The following IL1RL2 variants were observed in gnomAD, a reference collection of about 807,000 sequenced individuals.
The protein encoded by IL1RL2 is interleukin-1 receptor-like 2.
A neutral mutation model predicts 66.8 loss-of-function variants in IL1RL2; 68 were observed. The ratio of observed to expected loss-of-function variants is 1.02; its 90% CI spans 0.84 to 1.25. The LOEUF (loss-of-function observed/expected upper bound fraction) is 1.25, where lower values mean the gene tolerates loss of function less well. IL1RL2 is among the 50% of genes most tolerant of loss of function. IL1RL2 has a pLI of 0.00. For synonymous variants in IL1RL2, 305 were observed against 264.6 expected (o/e 1.15, Z -1.48); for missense variants, 729 against 709.3 (o/e 1.03, Z -0.32).
chr2:102,190,064 G>A (rs1017018754), intron 3 of IL1RL2, among the ~76,000 whole-genome samples: 4 of 152,318 alleles, frequency 2.6e-5, no homozygotes, highest in African/African-American at 9.6e-5. Flanking sequence ...CAGGGAGTAA[G>A]CATGGAGTAT....
intron 1 of IL1RL2, 137 bp from the exon 2 acceptor site, chr2:102,187,719 G>A: frequency 1.3e-6 from 1 of 747,816 alleles, no homozygotes; most frequent in Admixed American, 2.1e-5. Context: ...TGGGGCCAAA[G>A]TCGGAGGGCT....
Position 102,236,151 on chromosome 2 carries a change from A to G in IL1RL2, c.1678+874A>G, listed in dbSNP as rs34479664. On this transcript the variant is annotated intron_variant, in intron 11 of 11. Coordinates refer to ENST00000264257, the MANE Select transcript of IL1RL2 (RefSeq NM_003854.4). ...TTAAAGGTTTTTAATACTAAAAATT[A>G]GCTGTAAACCCTCATCACTTTTTTC... Among the ~76,000 whole-genome samples the G allele has an allele frequency of 5.5e-3, 843 of 152,368 alleles. 12 individuals are homozygous for G. Among genetic ancestry groups the G allele is most frequent in the African/African-American group, 0.019 (810 of 41,602 alleles).
chr2:102,221,409 G>C (rs1342093116), intron 8 of IL1RL2, among the ~76,000 whole-genome samples: 3 of 152,168 alleles, frequency 2.0e-5, no homozygotes. Flanking sequence ...GTTTCCAGCT[G>C]TGTAAGGGAC....
rs1309821203 is a variant in IL1RL2, at chr2:102,219,924, A to G, written c.898A>G (p.Ile300Val). ...GGAACATAATTTGTACACAGTAAAC[A>G]TCACCTTCTTGGAAGTGAAAATGGA... ...FREHNLYTVNITFLEVKMEDY... is the reference protein window; with the variant it reads ...FREHNLYTVNVTFLEVKMEDY... Residue 300 changes from isoleucine to valine, a missense_variant, in exon 8 of 12, where the codon ATC (isoleucine) becomes GTC (valine). Ile to Val is a conservative substitution (Grantham distance 29). Coordinates refer to ENST00000264257, the MANE Select transcript of IL1RL2 (RefSeq NM_003854.4). The G allele has an allele frequency of 6.2e-7, 1 of 1,613,618 alleles. No individual in the cohort carries two copies. The highest frequency in any genetic ancestry group is 1.3e-5 in the African/African-American group (1 of 74,914).
chr2:102,200,007 A>G (rs1283481723), intron 4 of IL1RL2, among the ~76,000 whole-genome samples: 2 of 151,990 alleles, frequency 1.3e-5, no homozygotes, highest in Non-Finnish European at 2.9e-5. Context: ...AAAAAAACAA[A>G]AAATTGGGGT....
chr2:102,201,796 T>G, intron 5 of IL1RL2, 81 bp downstream of exon 5: 3 of 1,383,638 alleles, frequency 2.2e-6, no homozygotes, highest in Middle Eastern at 2.5e-4. Flanking sequence ...GTTTTGGGCT[T>G]TGAGCAGGAG....
chr2:102,205,416 C>G (rs111662280), intron 5 of IL1RL2, among the ~76,000 whole-genome samples: 102 of 152,298 alleles, frequency 6.7e-4, no homozygotes, highest in African/African-American at 2.3e-3. Flanking sequence ...GAAGTACTCC[C>G]TTTAACATTT....
At chr2:102,205,218 C>G (rs7558154) in intron 5 of IL1RL2, among the ~76,000 whole-genome samples, 42,609 of 151,884 alleles carry the variant, frequency 0.28, 6,602 homozygotes, top group East Asian at 0.38. Flanking sequence ...CTCACTACAC[C>G]TTGAAAAGTT....
At chr2:102,195,348 AT>A in intron 4 of IL1RL2, among the ~76,000 whole-genome samples, 1 of 151,360 alleles carries the variant, frequency 6.6e-6, no homozygotes, top group East Asian at 1.9e-4. Flanking sequence ...TTTTTCCTAT[AT>A]TTTCTTCTTG....
At chr2:102,192,190 G>A (rs1010405933) in intron 4 of IL1RL2, 70 bp downstream of exon 4, 4 of 1,101,234 alleles carry the variant, frequency 3.6e-6, no homozygotes, top group Non-Finnish European at 5.1e-6. Flanking sequence ...TATAGGTTAA[G>A]TTGTATTTTT....
Position 102,233,060 on chromosome 2 carries a change from G to A in IL1RL2, c.1233G>A (p.Glu411=), listed in dbSNP as rs1691279759. Residue 411 remains glutamate, a synonymous_variant, in exon 10 of 12, where the codon GAG becomes GAA. Coordinates refer to ENST00000264257, the MANE Select transcript of IL1RL2 (RefSeq NM_003854.4). ...CCCTGGTGTTGAATATCCTGCCCGA[G>A]GTGTTGGAGAGACAATGTGGATATA... The part of the protein sequence containing the change: ...VDALVLNILP[E]VLERQCGYKL... 4 of 1,614,044 alleles carry A rather than the reference G, an allele frequency of 2.5e-6. No homozygotes were observed. The highest frequency in any genetic ancestry group is 1.3e-5 in the African/African-American group (1 of 74,916).
intron 11 of IL1RL2, 24 bp downstream of exon 11, chr2:102,235,301 G>A: frequency 6.2e-7 from 1 of 1,603,772 alleles, no homozygotes; most frequent in Non-Finnish European, 8.5e-7. Context: ...AGGACACGAG[G>A]TTTGTCACGC....
chr2:102,195,641 C>CTTTCTT (rs1687686084), intron 4 of IL1RL2, among the ~76,000 whole-genome samples: 1 of 31,640 alleles, frequency 3.2e-5, no homozygotes, highest in African/African-American at 7.8e-5. Flanking sequence ...CTCTCTCTCT[C>CTTTCTT]TCTCTCTTTC....
intron 5 of IL1RL2, among the ~76,000 whole-genome samples, chr2:102,203,979 G>A (rs1471780169): frequency 6.6e-6 from 1 of 151,676 alleles, no homozygotes; most frequent in African/African-American, 2.4e-5. Context: ...TCATTAGATT[G>A]TTTGTTTGAA....
At chr2:102,214,649 C>A (rs562332904) in intron 6 of IL1RL2, among the ~76,000 whole-genome samples, 1 of 152,014 alleles carries the variant, frequency 6.6e-6, no homozygotes, top group Non-Finnish European at 1.5e-5. Flanking sequence ...TAATATAATA[C>A]CAATTAAATT....
chr2:102,187,891 G>C lies in IL1RL2; in HGVS notation c.24G>C (p.Gly8=), dbSNP rs1298466509. ...GGATGTGGTCCTTGCTGCTCTGCGG[G>C]TTGTCCATCGCCCTTCCACTGTCTG... is the stretch of plus-strand genomic sequence containing the variant. MWSLLLC[G]LSIALPLSVT... is the part of the protein sequence containing the mutation. The change falls in exon 2 of 12, where the codon GGG becomes GGC. Residue 8 remains glycine (G), a synonymous_variant. Transcript: ENST00000264257. 18 of 1,614,008 alleles carry C rather than the reference G, an allele frequency of 1.1e-5. No individual in the cohort carries two copies. The African/African-American group carries it at 2.3e-4, about 20-fold the overall frequency.
At chr2:102,242,306 C>T (rs746650042), downstream of IL1RL2, among the ~76,000 whole-genome samples, 1 of 152,126 alleles carries the variant, frequency 6.6e-6, no homozygotes, top group East Asian at 1.9e-4. Flanking sequence ...TCTTGCAATA[C>T]CAATCTTAGA....
chr2:102,238,605 A>T (rs11692230), intron 11 of IL1RL2, among the ~76,000 whole-genome samples: 3 of 152,002 alleles, frequency 2.0e-5, no homozygotes, highest in African/African-American at 7.2e-5. Flanking sequence ...TCCCTCTAAC[A>T]CATGCTTGTT....
At chr2:102,220,474 G>A (rs545501154) in intron 8 of IL1RL2, among the ~76,000 whole-genome samples, 64 of 152,236 alleles carry the variant, frequency 4.2e-4, no homozygotes, top group African/African-American at 1.5e-3. Context: ...GTGTGTATAC[G>A]AATTGCACTC....
Sources: gnomAD v4.1 joint callset for allele counts (sites outside exome capture counted in the v4.1 genomes callset) on GRCh38, gnomAD v4.1.1 for gene constraint, MANE v1.5 for transcripts, NCBI Gene and HGNC (gene_info 2026-07-23, HGNC 2026-07-21) for gene names.